The following TMEM132B variants were observed in gnomAD, a reference collection of about 807,000 sequenced individuals.
The protein encoded by TMEM132B is transmembrane protein 132B.
In TMEM132B, 18 loss-of-function variants were observed where a neutral mutation model predicts 90.8. That is an observed-to-expected ratio of 0.20 (90% CI 0.14 to 0.29). The LOEUF (loss-of-function observed/expected upper bound fraction) is 0.29, where lower values mean the gene tolerates loss of function less well. Among genes scored for constraint, TMEM132B ranks in the 10% least tolerant of loss-of-function variants. TMEM132B has a pLI of 1.00. For synonymous variants in TMEM132B, 504 were observed against 523.3 expected, an observed-to-expected ratio of 0.96 and a Z score of 0.50; for missense variants, 1,096 against 1,326.8, an observed-to-expected ratio of 0.83 and a Z score of 2.70.
intron 3 of TMEM132B, among the ~76,000 whole-genome samples, chr12:125,512,061 C>A (rs1005552998): frequency 6.6e-6 from 1 of 152,024 alleles, no homozygotes; most frequent in Admixed American, 6.5e-5. Flanking sequence ...GAATTCTCAG[C>A]AGAATGAGGA....
chr12:125,583,765 A>T lies in TMEM132B; in HGVS notation c.1294-86A>T. 3 of 1,479,648 alleles carry T rather than the reference A, an allele frequency of 2.0e-6. No homozygotes were observed. In the South Asian group the frequency reaches 3.7e-5, roughly 18 times the overall value. 91.7% of individuals were successfully genotyped at this position (1,479,648 alleles called of 1,614,324 possible). ...TAAATCGCAGAACGAGAATGAAGGCAGTAGGGAGCTTGGTGGACACCCCTC... is the reference window on the plus strand; with the variant it reads ...TAAATCGCAGAACGAGAATGAAGGCTGTAGGGAGCTTGGTGGACACCCCTC... On this transcript the variant is annotated intron_variant, in intron 4 of 8. Coordinates refer to ENST00000682704, the MANE Select transcript of TMEM132B (RefSeq NM_001366854.1).
chr12:125,203,047 G>A (rs1873101545), intron 1 of TMEM132B, among the ~76,000 whole-genome samples: 1 of 152,190 alleles, frequency 6.6e-6, no homozygotes, highest in South Asian at 2.1e-4. Flanking sequence ...GCTTTGGCTT[G>A]ACTGAAATCT....
At chr12:125,465,157 G>A (rs1881531722) in intron 3 of TMEM132B, among the ~76,000 whole-genome samples, 1 of 152,108 alleles carries the variant, frequency 6.6e-6, no homozygotes, top group South Asian at 2.1e-4. Flanking sequence ...GTAGCTGGAT[G>A]GTATTGGACA....
chr12:125,259,744 G>A (rs1874518574), intron 1 of TMEM132B, among the ~76,000 whole-genome samples: 1 of 152,148 alleles, frequency 6.6e-6, no homozygotes, highest in African/African-American at 2.4e-5. Flanking sequence ...GCTTGTTTAT[G>A]GGGGAAGGCA....
intron 4 of TMEM132B, among the ~76,000 whole-genome samples, chr12:125,540,417 C>T (rs1296264199): frequency 6.6e-6 from 1 of 152,222 alleles, no homozygotes; most frequent in South Asian, 2.1e-4. Context: ...TTGACATATC[C>T]TACTATTGTT....
chr12:125,239,679 C>T (rs1874020302), intron 1 of TMEM132B, among the ~76,000 whole-genome samples: 1 of 152,186 alleles, frequency 6.6e-6, no homozygotes, highest in African/African-American at 2.4e-5. Context: ...AGCCTGGGGG[C>T]ACTTATGTGA....
At chr12:125,454,375 C>G (rs945583826) in intron 3 of TMEM132B, among the ~76,000 whole-genome samples, 1 of 119,856 alleles carries the variant, frequency 8.3e-6, no homozygotes, top group African/African-American at 3.7e-5. Context: ...TACAGCCAGC[C>G]GTGTGTGTGT....
chr12:125,606,243 G>C (rs75044763), intron 5 of TMEM132B, among the ~76,000 whole-genome samples: 1 of 151,746 alleles, frequency 6.6e-6, no homozygotes, highest in Non-Finnish European at 1.5e-5. Flanking sequence ...TGAATGAAAA[G>C]GTGAAGACTC....
chr12:125,495,141 CTT>C (rs1882520381), intron 3 of TMEM132B, among the ~76,000 whole-genome samples: 2 of 123,636 alleles, frequency 1.6e-5, no homozygotes, highest in African/African-American at 3.2e-5. Context: ...CCGTGTCCCT[CTT>C]CCCCCTACTC....
intron 4 of TMEM132B, among the ~76,000 whole-genome samples, chr12:125,579,363 C>CT (rs34889952): frequency 0.18 from 26,041 of 144,864 alleles, 2,473 homozygotes; most frequent in East Asian, 0.43. Flanking sequence ...CTCATACTTG[C>CT]TTTTTTTTTT....
chr12:125,551,501 G>A (rs1592988379), intron 4 of TMEM132B, among the ~76,000 whole-genome samples: 1 of 151,708 alleles, frequency 6.6e-6, no homozygotes, highest in African/African-American at 2.4e-5. Context: ...AACATAGACA[G>A]TCATAAAGAA....
rs117256676 is a variant in TMEM132B, at chr12:125,373,170, G to A, written c.959+22827G>A. 5.3e-3 allele frequency among the ~76,000 whole-genome samples: 804 copies of A among 152,262 alleles called. 1 individual carries two copies. The highest frequency in any genetic ancestry group is 7.4e-3 in the Non-Finnish European group (503 of 68,020). On this transcript the variant is annotated intron_variant, in intron 2 of 8. Coordinates refer to ENST00000682704, the MANE Select transcript of TMEM132B (RefSeq NM_001366854.1). ...GCGGGCAGGGACATGTATCACCAGT[G>A]CCAAGAACTATATGTGGCATGTAGC...
At chr12:125,462,582 A>G (rs1283891333) in intron 3 of TMEM132B, among the ~76,000 whole-genome samples, 1 of 152,192 alleles carries the variant, frequency 6.6e-6, no homozygotes, top group Non-Finnish European at 1.5e-5. Flanking sequence ...GGTGACGTCA[A>G]ATTGAGCCCT....
At chr12:125,212,908 T>G (rs1018881169) in intron 1 of TMEM132B, among the ~76,000 whole-genome samples, 11 of 152,212 alleles carry the variant, frequency 7.2e-5, no homozygotes, top group Admixed American at 5.9e-4. Flanking sequence ...CATTTTTTTT[T>G]TTAAGTTTTT....
At position 125,658,860 on chromosome 12, in the gene TMEM132B, G is replaced by A. The variant is rs1458400576; in HGVS notation, c.*4150G>A. On this transcript the variant is annotated 3_prime_UTR_variant, in exon 9 of 9. Coordinates refer to ENST00000682704, the MANE Select transcript of TMEM132B (RefSeq NM_001366854.1). Reference sequence around the variant, plus strand: ...GCCTAGAAAGGCTGTGGCTTATGTTGGGATTGATGATGGAATCTGCCAGAA... The same window carrying A: ...GCCTAGAAAGGCTGTGGCTTATGTTAGGATTGATGATGGAATCTGCCAGAA... The A allele has an allele frequency of 6.6e-6, 1 of 152,138 alleles. No individual in the cohort carries two copies. Among genetic ancestry groups the A allele is most frequent in the Non-Finnish European group, 1.5e-5 (1 of 68,028 alleles). The allele number at this position is 152,138 out of a possible 1,614,324, so 9.4% of individuals were successfully genotyped here.
chr12:125,436,380 C>CCA (rs1416550938), intron 3 of TMEM132B, among the ~76,000 whole-genome samples: 2 of 152,084 alleles, frequency 1.3e-5, no homozygotes, highest in East Asian at 3.9e-4. Context: ...TTCCCCTGTA[C>CCA]CACACACACA....
intron 6 of TMEM132B, among the ~76,000 whole-genome samples, chr12:125,647,566 G>A (rs1223435953): frequency 6.6e-6 from 1 of 152,214 alleles, no homozygotes; most frequent in Admixed American, 6.5e-5. Context: ...GAAAGGAACT[G>A]TCAGCCTCAA....
At chr12:125,521,768 G>T (rs1003377131) in intron 4 of TMEM132B, among the ~76,000 whole-genome samples, 14 of 152,216 alleles carry the variant, frequency 9.2e-5, no homozygotes, top group Admixed American at 2.6e-4. Flanking sequence ...TGGGAGCGGG[G>T]TGAGGAATTA....
intron 2 of TMEM132B, among the ~76,000 whole-genome samples, chr12:125,378,004 A>T (rs1044955251): frequency 6.6e-6 from 1 of 152,202 alleles, no homozygotes; most frequent in Non-Finnish European, 1.5e-5. Context: ...GGGAGGCTGG[A>T]CAAGGGGAGG....
Sources: gnomAD v4.1 joint callset for allele counts (sites outside exome capture counted in the v4.1 genomes callset) on GRCh38, gnomAD v4.1.1 for gene constraint, MANE v1.5 for transcripts, NCBI Gene and HGNC (gene_info 2026-07-23, HGNC 2026-07-21) for gene names.